Variants in ADGRL3 observed in about 807,000 individuals in gnomAD.
ADGRL3 encodes the protein adhesion G protein-coupled receptor L3, also known as calcium-independent alpha-latrotoxin receptor 3.
Under a neutral mutation model 153.5 loss-of-function variants are expected in ADGRL3, and 62 were observed. The ratio of observed to expected loss-of-function variants is 0.40; its 90% CI spans 0.33 to 0.50. The LOEUF (loss-of-function observed/expected upper bound fraction) is 0.50, where lower values mean the gene tolerates loss of function less well. Ranked by LOEUF, ADGRL3 falls within the 20% of genes least tolerant of loss-of-function variation. The pLI, the probability that ADGRL3 is intolerant of heterozygous loss-of-function variation, is 0.47. For missense variants in ADGRL3, 1,641 were observed against 1,859.4 expected (o/e 0.88, Z 2.16); for synonymous variants, 710 against 672.5 (o/e 1.06, Z -0.86).
chr4:61,817,897 G>A (rs1281373245), intron 9 of ADGRL3, among the ~76,000 whole-genome samples: 3 of 151,978 alleles, frequency 2.0e-5, no homozygotes, highest in African/African-American at 4.8e-5. Context: ...ATTTCCCACT[G>A]GGTCCCTCCC....
intron 9 of ADGRL3, among the ~76,000 whole-genome samples, chr4:61,887,391 A>C (rs2098545473): frequency 6.6e-6 from 1 of 152,186 alleles, no homozygotes. Context: ...AAAACATGGA[A>C]TATGGAGTCA....
intron 2 of ADGRL3, among the ~76,000 whole-genome samples, chr4:61,448,719 GGAAGGAGAGAGGGAAGGAAGGAA>G (rs1213729435): frequency 5.0e-5 from 1 of 20,190 alleles, no homozygotes; most frequent in Non-Finnish European, 2.2e-4. Context: ...AAAGAAGGAA[GGAAGGAGAGAGGGAAGGAAGGAA>G]GGGGGAGAGA....
chr4:61,486,106 G>A (rs891523973), intron 2 of ADGRL3, among the ~76,000 whole-genome samples: 6 of 151,974 alleles, frequency 3.9e-5, no homozygotes, highest in African/African-American at 1.5e-4. Flanking sequence ...ACCATGCCTG[G>A]CTAATTTTTT....
At position 61,204,467 on chromosome 4, in the gene ADGRL3, A is replaced by G. The variant is rs954263518; in HGVS notation, c.-240+2702A>G. ...AATGATTCCCAGTCCTTACATTATA[A>G]GATTTGATCAGATCTGTTCTTTGTT... On this transcript the variant is annotated intron_variant, in intron 1 of 26. Transcript: ENST00000683033. Among the ~76,000 whole-genome samples the G allele has an allele frequency of 1.3e-5, 2 of 152,174 alleles. 1 individual carries two copies. The highest frequency in any genetic ancestry group is 4.1e-4 in the South Asian group (2 of 4,830).
intron 17 of ADGRL3, among the ~76,000 whole-genome samples, chr4:61,971,673 A>G (rs1417034264): frequency 6.6e-6 from 1 of 152,162 alleles, no homozygotes; most frequent in Non-Finnish European, 1.5e-5. Flanking sequence ...GTATATACCC[A>G]GTAATGGGAT....
intron 2 of ADGRL3, among the ~76,000 whole-genome samples, chr4:61,451,527 T>C (rs989848512): frequency 2.6e-5 from 4 of 152,160 alleles, no homozygotes; most frequent in African/African-American, 7.2e-5. Context: ...TACTTATTAA[T>C]ACATTACACA....
chr4:61,938,103 G>T (rs1581545919), intron 15 of ADGRL3, among the ~76,000 whole-genome samples: 1 of 151,990 alleles, frequency 6.6e-6, no homozygotes, highest in South Asian at 2.1e-4. Flanking sequence ...ATTAATTTTG[G>T]AGCAGAGAAT....
chr4:61,757,442 T>C (rs1427334914), intron 8 of ADGRL3, among the ~76,000 whole-genome samples: 1 of 152,228 alleles, frequency 6.6e-6, no homozygotes, highest in Non-Finnish European at 1.5e-5. Context: ...TGATAGTTTG[T>C]ATTTCTGTGG....
chr4:61,991,884 C>T (rs1009296544), intron 19 of ADGRL3, among the ~76,000 whole-genome samples: 3 of 147,382 alleles, frequency 2.0e-5, no homozygotes, highest in Non-Finnish European at 4.5e-5. Flanking sequence ...AAATATAATA[C>T]ATTATATTTA....
At chr4:61,382,045 T>A (rs1225548007) in intron 1 of ADGRL3, among the ~76,000 whole-genome samples, 1 of 151,978 alleles carries the variant, frequency 6.6e-6, no homozygotes, top group East Asian at 1.9e-4. Flanking sequence ...TTTTATATCA[T>A]AGTATATCTT....
intron 2 of ADGRL3, among the ~76,000 whole-genome samples, chr4:61,424,345 C>T (rs2097250750): frequency 6.6e-6 from 1 of 152,110 alleles, no homozygotes; most frequent in Non-Finnish European, 1.5e-5. Flanking sequence ...CCTTACACTC[C>T]ACCCCCTAGG....
At chr4:61,380,387 C>T (rs1201858355) in intron 1 of ADGRL3, among the ~76,000 whole-genome samples, 1 of 151,952 alleles carries the variant, frequency 6.6e-6, no homozygotes, top group Non-Finnish European at 1.5e-5. Context: ...AGTTTCTCTA[C>T]TTTTTAAACT....
At chr4:61,721,390 C>T (rs1257816190) in intron 6 of ADGRL3, among the ~76,000 whole-genome samples, 1 of 152,140 alleles carries the variant, frequency 6.6e-6, no homozygotes. Flanking sequence ...AGCTGAAGAA[C>T]TTGTAGTGTG....
chr4:61,654,561 A>G (rs2094385675), intron 5 of ADGRL3, among the ~76,000 whole-genome samples: 1 of 152,044 alleles, frequency 6.6e-6, no homozygotes, highest in Middle Eastern at 3.2e-3. Context: ...AATAAAAATA[A>G]TTATGAAATT....
At chr4:61,622,394 G>A in intron 5 of ADGRL3, among the ~76,000 whole-genome samples, 1 of 152,102 alleles carries the variant, frequency 6.6e-6, no homozygotes. Flanking sequence ...ACAATGAGAG[G>A]ATGAACTTTT....
At chr4:61,818,484 G>A (rs1411793345) in intron 9 of ADGRL3, among the ~76,000 whole-genome samples, 1 of 152,176 alleles carries the variant, frequency 6.6e-6, no homozygotes, top group African/African-American at 2.4e-5. Flanking sequence ...TGGTCTGGAG[G>A]ACAACACTGT....
At chr4:61,302,333 A>G (rs1401867217) in intron 1 of ADGRL3, among the ~76,000 whole-genome samples, 1 of 152,202 alleles carries the variant, frequency 6.6e-6, no homozygotes, top group Non-Finnish European at 1.5e-5. Flanking sequence ...GAGAATTCAC[A>G]GAGACCAAAG....
intron 9 of ADGRL3, among the ~76,000 whole-genome samples, chr4:61,889,806 C>T (rs2098559484): frequency 1.3e-5 from 2 of 152,110 alleles, no homozygotes; most frequent in African/African-American, 4.8e-5. Context: ...GCAGTTGAGA[C>T]AATAGGCTGG....
At chr4:61,608,477 T>C (rs983665704) in intron 5 of ADGRL3, among the ~76,000 whole-genome samples, 2 of 151,986 alleles carry the variant, frequency 1.3e-5, no homozygotes, top group Non-Finnish European at 2.9e-5. Flanking sequence ...CTGAGGCGAA[T>C]ATTAGAAATG....
Sources: gnomAD v4.1 joint callset for allele counts (sites outside exome capture counted in the v4.1 genomes callset) on GRCh38, gnomAD v4.1.1 for gene constraint, MANE v1.5 for transcripts, NCBI Gene and HGNC (gene_info 2026-07-23, HGNC 2026-07-21) for gene names.